The following PTPRB variants were observed in gnomAD, a reference collection of about 807,000 sequenced individuals.
The protein encoded by PTPRB is protein tyrosine phosphatase receptor type B, also known as receptor-type tyrosine-protein phosphatase beta.
PTPRB carries 97 observed loss-of-function variants against 238.1 expected under a neutral mutation model. The ratio of observed to expected loss-of-function variants is 0.41; its 90% CI spans 0.35 to 0.48. The LOEUF (loss-of-function observed/expected upper bound fraction) is 0.48, where lower values mean the gene tolerates loss of function less well. Among genes scored for constraint, PTPRB ranks in the 20% least tolerant of loss-of-function variants. The pLI, the probability that PTPRB is intolerant of heterozygous loss-of-function variation, is 0.30. For missense variants in PTPRB, 2,292 were observed against 2,681.9 expected (o/e 0.85, Z 3.21); for synonymous variants, 970 against 995.4 (o/e 0.97, Z 0.48).
chr12:70,560,701 T>G lies in PTPRB; in HGVS notation c.4402A>C (p.Ser1468Arg). Residue 1468 changes from serine (S) to arginine (R), a missense_variant, in exon 17 of 34, where the codon AGC becomes CGC. By Grantham distance (110) the Ser-to-Arg change is moderately radical. Transcript: ENST00000334414. The surrounding 1 kb of genome is among the most constrained non-coding windows in gnomAD (Gnocchi z 4.2). ...LWVVTHSGDL[S>R]NKVTAESRTA... ...CTGCTCTCCGCTGTGACTTTATTGC[T>G]GAGATCTCCACTGTGAGTTACCACC... 1 of 1,612,540 alleles carries G rather than the reference T, an allele frequency of 6.2e-7. No homozygotes were observed. Among genetic ancestry groups the G allele is most frequent in the Non-Finnish European group, 8.5e-7 (1 of 1,179,374 alleles).
At chr12:70,557,129 C>T (rs765918785) in intron 18 of PTPRB, among the ~76,000 whole-genome samples, 3 of 152,186 alleles carry the variant, frequency 2.0e-5, no homozygotes, top group Middle Eastern at 6.8e-3. Context: ...TGACACTCTG[C>T]CAAGGTATCA....
At chr12:70,562,729 G>T in intron 16 of PTPRB, 115 bp downstream of exon 16, 3 of 1,288,850 alleles carry the variant, frequency 2.3e-6, no homozygotes, top group Non-Finnish European at 2.1e-6. Flanking sequence ...AGTCACAAAT[G>T]CCATATAAAG....
At chr12:70,529,996 A>C (rs1179865512) in intron 32 of PTPRB, among the ~76,000 whole-genome samples, 1 of 152,178 alleles carries the variant, frequency 6.6e-6, no homozygotes, top group Admixed American at 6.5e-5. Context: ...TACCACCATG[A>C]AAAAGCAATC....
chr12:70,581,492 GA>G (rs1435296310), intron 9 of PTPRB, among the ~76,000 whole-genome samples, 190 bp from the exon 10 acceptor site: 2 of 152,254 alleles, frequency 1.3e-5, no homozygotes, highest in Admixed American at 1.3e-4. Flanking sequence ...CTAGTACTTT[GA>G]AAAAGCTGCT....
chr12:70,566,819 T>G lies in PTPRB; in HGVS notation c.3635-115A>C, dbSNP rs896643271. Reference sequence around the variant, plus strand: ...GTAGAAGATGATGCATTTGCTTTATTTGTGTGTCATTGACACTTTCTGTGT... The same window carrying G: ...GTAGAAGATGATGCATTTGCTTTATGTGTGTGTCATTGACACTTTCTGTGT... On this transcript the variant is annotated intron_variant, in intron 14 of 33. Coordinates refer to ENST00000334414, the MANE Select transcript of PTPRB (RefSeq NM_001109754.4). The G allele has an allele frequency of 1.3e-5, 14 of 1,100,564 alleles. No individual in the cohort carries two copies. In the African/African-American group the frequency reaches 2.2e-4, roughly 17 times the overall value. The allele number at this position is 1,100,564 out of a possible 1,614,324, so 68.2% of individuals were successfully genotyped here.
At chr12:70,604,057 T>C (rs763945320) in intron 4 of PTPRB, among the ~76,000 whole-genome samples, 4 of 152,022 alleles carry the variant, frequency 2.6e-5, no homozygotes, top group Non-Finnish European at 4.4e-5. Context: ...CTGAGCAACA[T>C]AGGGAGACCC....
intron 32 of PTPRB, among the ~76,000 whole-genome samples, chr12:70,524,942 T>C (rs1872187068): frequency 6.8e-6 from 1 of 147,304 alleles, no homozygotes; most frequent in Non-Finnish European, 1.5e-5. Flanking sequence ...TATGTATGTA[T>C]ATATATGTGT....
intron 5 of PTPRB, among the ~76,000 whole-genome samples, chr12:70,595,154 T>G (rs944885506): frequency 6.6e-6 from 1 of 152,086 alleles, no homozygotes; most frequent in Non-Finnish European, 1.5e-5. Flanking sequence ...TGCAGGGACA[T>G]GGATGAAGCT....
chr12:70,596,857 C>T (rs1036247621), intron 4 of PTPRB, among the ~76,000 whole-genome samples: 1 of 151,790 alleles, frequency 6.6e-6, no homozygotes, highest in African/African-American at 2.4e-5. Flanking sequence ...GATTATAAAC[C>T]TAGGATAGGG....
intron 9 of PTPRB, among the ~76,000 whole-genome samples, chr12:70,582,298 T>G (rs1881476609): frequency 6.6e-6 from 1 of 152,118 alleles, no homozygotes; most frequent in Non-Finnish European, 1.5e-5. Flanking sequence ...TGTATATGGA[T>G]CAGATTCAAT....
At chr12:70,588,151 C>T (rs944008710) in intron 8 of PTPRB, among the ~76,000 whole-genome samples, 2 of 151,362 alleles carry the variant, frequency 1.3e-5, no homozygotes, top group East Asian at 1.9e-4. Flanking sequence ...GTGTTGCTGC[C>T]TTAAATTATG....
intron 32 of PTPRB, among the ~76,000 whole-genome samples, chr12:70,531,501 G>C (rs1873239669): frequency 6.6e-6 from 1 of 152,144 alleles, no homozygotes; most frequent in Non-Finnish European, 1.5e-5. Flanking sequence ...CTAGAATAGT[G>C]GCCAAGCCAC....
chr12:70,605,373 T>C (rs1466994138), intron 4 of PTPRB, among the ~76,000 whole-genome samples: 1 of 152,220 alleles, frequency 6.6e-6, no homozygotes, highest in Non-Finnish European at 1.5e-5. Flanking sequence ...CTTCTACTCA[T>C]CATCCGTGCC....
At chr12:70,627,259 T>C (rs1169235555) in intron 2 of PTPRB, among the ~76,000 whole-genome samples, 1 of 151,928 alleles carries the variant, frequency 6.6e-6, no homozygotes, top group Non-Finnish European at 1.5e-5. Context: ...TATCAGGCTA[T>C]AGGAGAGAGG....
chr12:70,630,582 G>A (rs1171650874), intron 2 of PTPRB, among the ~76,000 whole-genome samples: 1 of 152,164 alleles, frequency 6.6e-6, no homozygotes, highest in Admixed American at 6.5e-5. Flanking sequence ...AATCAGGCAA[G>A]AGAAAGAAAT....
At chr12:70,570,057 G>C (rs1879841859) in intron 13 of PTPRB, 119 bp from the exon 14 acceptor site, 5 of 970,284 alleles carry the variant, frequency 5.2e-6, no homozygotes, top group Non-Finnish European at 7.5e-6. Context: ...ACATGAAAAA[G>C]AAAGTAACAA....
Position 70,587,082 on chromosome 12 carries a change from C to G in PTPRB, c.2236G>C (p.Gly746Arg). Residue 746 changes from glycine to arginine, a missense_variant, in exon 9 of 34, where the codon GGA (glycine) becomes CGA (arginine). By Grantham distance (125) the Gly-to-Arg change is moderately radical. Transcript: ENST00000334414. ...GTGACTGTAGCCATGTATTTTCGTC[C>G]AGGCACCAGGTCAGTAAAAGTGAAT... ...KEFTFTDLVP[G>R]RKYMATVTSI... is the part of the protein sequence containing the mutation. 4 of 1,613,856 alleles carry G rather than the reference C, an allele frequency of 2.5e-6. No individual in the cohort carries two copies. Among genetic ancestry groups the G allele is most frequent in the Non-Finnish European group, 3.4e-6 (4 of 1,179,768 alleles).
At chr12:70,590,445 T>C (rs78756726) in intron 7 of PTPRB, among the ~76,000 whole-genome samples, 3,381 of 152,290 alleles carry the variant, frequency 0.022, 139 homozygotes, top group African/African-American at 0.077. Flanking sequence ...ATTTTAGTGA[T>C]ATCAGTAATG....
At chr12:70,592,983 C>A (rs1210633081) in intron 6 of PTPRB, among the ~76,000 whole-genome samples, 1 of 152,232 alleles carries the variant, frequency 6.6e-6, no homozygotes, top group Non-Finnish European at 1.5e-5. Flanking sequence ...GGTCTGCCAT[C>A]TGCCTCATTT....
Sources: allele counts gnomAD v4.1 joint callset (sites outside exome capture counted in the v4.1 genomes callset), GRCh38; gene constraint gnomAD v4.1.1; non-coding constraint Gnocchi (gnomAD v3.1); transcripts MANE v1.5; gene names NCBI Gene and HGNC (gene_info 2026-07-23, HGNC 2026-07-21).